The following EPS15 variants were observed in gnomAD, a reference collection of about 807,000 sequenced individuals.
EPS15 encodes the protein epidermal growth factor receptor pathway substrate 15.
A neutral mutation model predicts 113.8 loss-of-function variants in EPS15; 72 were observed. The observed-to-expected ratio is 0.63, with a 90% CI of 0.52 to 0.77. EPS15 has a LOEUF of 0.77. EPS15 is among the 30% of genes least tolerant of loss of function. EPS15 has a pLI of 0.00. For missense variants in EPS15, 1,048 were observed against 1,045.8 expected, an observed-to-expected ratio of 1.00 and a Z score of -0.03; for synonymous variants, 344 against 363.4, an observed-to-expected ratio of 0.95 and a Z score of 0.61.
intron 5 of EPS15, 66 bp from the exon 6 acceptor site, chr1:51,465,392 T>C (rs1437093633): frequency 2.6e-6 from 3 of 1,164,166 alleles, no homozygotes; most frequent in Non-Finnish European, 2.5e-6. Context: ...GAAGAAAAAA[T>C]GGTTTTTGGA....
At chr1:51,518,669 G>A (rs546277914) in intron 1 of EPS15, among the ~76,000 whole-genome samples, 1 of 152,302 alleles carries the variant, frequency 6.6e-6, no homozygotes, top group South Asian at 2.1e-4. Context: ...TGGGAGAAAG[G>A]CAGGTCTGGA....
rs138135548 is a variant in EPS15, at chr1:51,444,926, T to C, written c.917A>G (p.Glu306Gly). 9 of 1,613,906 alleles carry C rather than the reference T, an allele frequency of 5.6e-6. No individual in the cohort carries two copies. The African/African-American group carries it at 1.1e-4, about 19-fold the overall frequency. The change falls in exon 11 of 25, where the codon GAA (glutamate) becomes GGA (glycine). Residue 306 changes from glutamate to glycine, a missense_variant. Glu to Gly is a moderately conservative substitution (Grantham distance 98). Coordinates refer to ENST00000371733, the MANE Select transcript of EPS15 (RefSeq NM_001981.3). Reference protein sequence around the residue: ...GIDPPHVLTPEMIPPSDRASL... With the variant: ...GIDPPHVLTPGMIPPSDRASL... ...GGCCCTGTCTGATGGTGGAATCATTTCAGGAGTAAGAACGTGAGGAGGATC... is the reference window on the plus strand; with the variant it reads ...GGCCCTGTCTGATGGTGGAATCATTCCAGGAGTAAGAACGTGAGGAGGATC...
intron 2 of EPS15, among the ~76,000 whole-genome samples, chr1:51,480,740 G>C (rs1446130020): frequency 6.6e-6 from 1 of 152,092 alleles, no homozygotes; most frequent in Non-Finnish European, 1.5e-5. Flanking sequence ...TTGAACTCCT[G>C]ACCTCAGGTA....
chr1:51,356,547 GAA>G lies in EPS15; in HGVS notation c.*151_*152del, dbSNP rs111272942. The stretch of plus-strand genomic sequence containing the variant: ...AAAAAAAAGACGAATCTGTAATGAA[GAA>G]AAAAAAAAAATCCTAAAATTTTGTC... On this transcript the variant is annotated 3_prime_UTR_variant, in exon 25 of 25. Transcript: ENST00000371733. 2.4e-4 allele frequency: 114 copies of G among 465,440 alleles called. No homozygotes were observed. Among genetic ancestry groups the G allele is most frequent in the African/African-American group, 7.6e-4 (35 of 46,278 alleles). The allele number at this position is 465,440 out of a possible 1,614,324, so 28.8% of individuals were successfully genotyped here. A position where few individuals can be genotyped will look rare whatever the true frequency, so the allele number is the denominator to read the frequency against.
At chr1:51,370,421 AACC>A (rs1453836213) in intron 21 of EPS15, among the ~76,000 whole-genome samples, 1 of 152,104 alleles carries the variant, frequency 6.6e-6, no homozygotes, top group Admixed American at 6.6e-5. Flanking sequence ...AAAATCCTGA[AACC>A]AAAAATGCTC....
chr1:51,516,124 G>C (rs968517444), intron 1 of EPS15, among the ~76,000 whole-genome samples: 1 of 151,922 alleles, frequency 6.6e-6, no homozygotes, highest in Admixed American at 6.6e-5. Context: ...ACCTAGTAAA[G>C]ACAACTGAAT....
At chr1:51,478,386 T>C (rs1446630282) in intron 2 of EPS15, among the ~76,000 whole-genome samples, 1 of 152,246 alleles carries the variant, frequency 6.6e-6, no homozygotes, top group Non-Finnish European at 1.5e-5. Context: ...TACAGCACAC[T>C]GATGGGTCTT....
At chr1:51,409,187 G>A (rs1649445613) in intron 14 of EPS15, among the ~76,000 whole-genome samples, 1 of 152,138 alleles carries the variant, frequency 6.6e-6, no homozygotes, top group African/African-American at 2.4e-5. Context: ...CTCCCAAAGT[G>A]TTGGGATTAC....
intron 1 of EPS15, chr1:51,490,219 C>A: frequency 2.4e-6 from 1 of 423,280 alleles, no homozygotes; most frequent in East Asian, 8.7e-5. Flanking sequence ...TTCTCTAACA[C>A]ACAAAATAAA....
chr1:51,474,484 T>C (rs1195684700), intron 2 of EPS15, among the ~76,000 whole-genome samples: 1 of 152,176 alleles, frequency 6.6e-6, no homozygotes, highest in Non-Finnish European at 1.5e-5. Flanking sequence ...AGACTTCTAA[T>C]CCGAGATTCA....
intron 21 of EPS15, among the ~76,000 whole-genome samples, chr1:51,385,861 T>C (rs1266240784): frequency 6.6e-6 from 1 of 152,050 alleles, no homozygotes; most frequent in African/African-American, 2.4e-5. Flanking sequence ...GTAATGATGG[T>C]TGTTAGGGTT....
intron 11 of EPS15, among the ~76,000 whole-genome samples, chr1:51,442,087 C>T (rs1267637516): frequency 6.6e-6 from 1 of 152,060 alleles, no homozygotes; most frequent in Non-Finnish European, 1.5e-5. Flanking sequence ...AATATACCTC[C>T]TATTTTCTGT....
intron 13 of EPS15, among the ~76,000 whole-genome samples, chr1:51,412,335 C>G (rs1284312668): frequency 6.6e-6 from 1 of 152,152 alleles, no homozygotes; most frequent in Non-Finnish European, 1.5e-5. Context: ...TGTAACAAAC[C>G]TGTACGTTCC....
At chr1:51,438,773 A>G (rs1652355810) in intron 12 of EPS15, among the ~76,000 whole-genome samples, 1 of 152,168 alleles carries the variant, frequency 6.6e-6, no homozygotes, top group Non-Finnish European at 1.5e-5. Context: ...AATCCTAATG[A>G]GTGGCAGAAT....
At chr1:51,488,042 C>T (rs1402265790) in intron 1 of EPS15, among the ~76,000 whole-genome samples, 1 of 152,118 alleles carries the variant, frequency 6.6e-6, no homozygotes, top group Non-Finnish European at 1.5e-5. Context: ...ATAGCAAGAT[C>T]ATAAATGATT....
chr1:51,428,102 G>T (rs1557459208), intron 12 of EPS15, among the ~76,000 whole-genome samples: 1 of 147,718 alleles, frequency 6.8e-6, no homozygotes, highest in Non-Finnish European at 1.5e-5. Flanking sequence ...GTGCTGGAAG[G>T]AAAAAAAAAA....
chr1:51,387,366 T>A (rs1483977652), intron 21 of EPS15, among the ~76,000 whole-genome samples: 62 of 152,030 alleles, frequency 4.1e-4, no homozygotes, highest in Admixed American at 4.1e-3. Flanking sequence ...TGCAAAATCA[T>A]GCCAAATTGT....
intron 21 of EPS15, among the ~76,000 whole-genome samples, chr1:51,390,562 C>T (rs2148399912): frequency 6.6e-6 from 1 of 151,908 alleles, no homozygotes; most frequent in South Asian, 2.1e-4. Flanking sequence ...TTGCAACCTA[C>T]TCATCTGACA....
At chr1:51,502,218 T>C (rs1206650441) in intron 1 of EPS15, among the ~76,000 whole-genome samples, 2 of 152,152 alleles carry the variant, frequency 1.3e-5, no homozygotes, top group Non-Finnish European at 2.9e-5. Flanking sequence ...TAAGCCACCA[T>C]CTCACCACTG....
Sources: gnomAD v4.1 joint callset for allele counts (sites outside exome capture counted in the v4.1 genomes callset) on GRCh38, gnomAD v4.1.1 for gene constraint, MANE v1.5 for transcripts, NCBI Gene and HGNC (gene_info 2026-07-23, HGNC 2026-07-21) for gene names.